The following TSNARE1 variants were observed in gnomAD, a reference collection of about 807,000 sequenced individuals.
TSNARE1 encodes the protein t-SNARE domain containing 1.
In TSNARE1, 49 loss-of-function variants were observed where a neutral mutation model predicts 62.0. The observed-to-expected ratio is 0.79, with a 90% CI of 0.63 to 1.00. The LOEUF is 1.00. Ranked by LOEUF, TSNARE1 falls within the 50% of genes least tolerant of loss-of-function variation. TSNARE1 has a pLI of 0.00. For missense variants in TSNARE1, 755 were observed against 700.1 expected, an observed-to-expected ratio of 1.08 and a Z score of -0.88; for synonymous variants, 328 against 294.4, an observed-to-expected ratio of 1.11 and a Z score of -1.17.
intron 12 of TSNARE1, among the ~76,000 whole-genome samples, chr8:142,262,530 C>T (rs1230386685): frequency 2.6e-5 from 4 of 152,052 alleles, no homozygotes; most frequent in African/African-American, 7.3e-5. Context: ...ATCTCATGTC[C>T]AACTGTAATC....
rs147895819 is a variant in TSNARE1, at chr8:142,278,790, G to A, written c.1364-3927C>T. On this transcript the variant is annotated intron_variant, in intron 11 of 13. Coordinates refer to ENST00000524325, the MANE Select transcript of TSNARE1 (RefSeq NM_145003.5). The stretch of plus-strand genomic sequence containing the variant: ...GAGTCACCGGACAGCACCACGTGTG[G>A]GGCTTCCAAGTGGGCCCAGAGGGAG... 9.0e-4 allele frequency: 882 copies of A among 985,458 alleles called. 8 individuals carry two copies. In the African/African-American group the frequency reaches 0.014, roughly 15 times the overall value. The allele number at this position is 985,458 out of a possible 1,614,324, so 61.0% of individuals were successfully genotyped here. A position where few individuals can be genotyped will look rare whatever the true frequency, so the allele number is the denominator to read the frequency against.
intron 2 of TSNARE1, among the ~76,000 whole-genome samples, chr8:142,348,882 G>A (rs973239477): frequency 3.3e-5 from 5 of 152,136 alleles, no homozygotes; most frequent in South Asian, 2.1e-4. Flanking sequence ...TCCAGAGAAC[G>A]TTATAGTGAC....
At chr8:142,345,302 G>A (rs1219675494) in intron 3 of TSNARE1, among the ~76,000 whole-genome samples, 2 of 152,202 alleles carry the variant, frequency 1.3e-5, no homozygotes, top group Non-Finnish European at 2.9e-5. Context: ...GTCCCAGAAG[G>A]ACCTGGAAGG....
intron 12 of TSNARE1, chr8:142,270,177 T>G: frequency 1.0e-6 from 1 of 985,418 alleles, no homozygotes; most frequent in Middle Eastern, 5.2e-4. Context: ...GGCTGCAGAC[T>G]GTGCCCTGCC....
intron 3 of TSNARE1, 108 bp from the exon 4 acceptor site, chr8:142,344,580 C>A: frequency 3.4e-6 from 4 of 1,193,394 alleles, no homozygotes; most frequent in South Asian, 1.7e-5. Context: ...CTTCAGGACA[C>A]GGCTGCCTGG....
At chr8:142,324,754 C>T (rs1053650292) in intron 6 of TSNARE1, among the ~76,000 whole-genome samples, 5 of 152,112 alleles carry the variant, frequency 3.3e-5, no homozygotes, top group African/African-American at 4.8e-5. Flanking sequence ...CACCGGGTCC[C>T]GAGCTCTCCC....
intron 4 of TSNARE1, 125 bp downstream of exon 4, chr8:142,343,841 G>T: frequency 2.6e-6 from 2 of 778,366 alleles, no homozygotes; most frequent in Non-Finnish European, 3.7e-6. Flanking sequence ...GAGGGGAAGG[G>T]GAGGAAGAGG....
chr8:142,348,820 T>G (rs1833723057), intron 2 of TSNARE1, among the ~76,000 whole-genome samples: 1 of 152,066 alleles, frequency 6.6e-6, no homozygotes, highest in African/African-American at 2.4e-5. Flanking sequence ...CTTCTGTGTA[T>G]CTGAGTTATT....
At chr8:142,284,980 C>T (rs1010012196) in intron 10 of TSNARE1, among the ~76,000 whole-genome samples, 4 of 152,228 alleles carry the variant, frequency 2.6e-5, no homozygotes, top group Non-Finnish European at 5.9e-5. Flanking sequence ...TGTAACAGCA[C>T]TGAGCATGGG....
intron 12 of TSNARE1, among the ~76,000 whole-genome samples, chr8:142,255,566 C>CCAT (rs566153051): frequency 0.13 from 1,238 of 9,586 alleles, 3 homozygotes; most frequent in South Asian, 0.22. Context: ...ACCATCACCA[C>CCAT]CATCACCATC....
intron 12 of TSNARE1, among the ~76,000 whole-genome samples, chr8:142,255,063 G>C (rs755743477): frequency 6.6e-6 from 1 of 152,060 alleles, no homozygotes; most frequent in South Asian, 2.1e-4. Flanking sequence ...TCCCATAACA[G>C]AGAACAGCAG....
At chr8:142,215,942 C>CT (rs1416564260) in intron 13 of TSNARE1, among the ~76,000 whole-genome samples, 1 of 152,148 alleles carries the variant, frequency 6.6e-6, no homozygotes. Flanking sequence ...TGAGGCCTGG[C>CT]TGGGGATACA....
chr8:142,269,745 T>A (rs959851372), intron 12 of TSNARE1: 1 of 984,510 alleles, frequency 1.0e-6, no homozygotes, highest in Non-Finnish European at 1.2e-6. Context: ...TTTCCCAGGG[T>A]GGAACCATCA....
chr8:142,406,223 C>T (rs1292970945), upstream of TSNARE1: 1 of 152,314 alleles, frequency 6.6e-6, no homozygotes, highest in Non-Finnish European at 1.5e-5. Context: ...CCGTCAGACT[C>T]ATCACCATGG....
chr8:142,266,221 T>TA (rs1819127147), intron 12 of TSNARE1, among the ~76,000 whole-genome samples: 1 of 152,380 alleles, frequency 6.6e-6, no homozygotes. Flanking sequence ...CCATCCTTTG[T>TA]AAAAAATCTA....
At chr8:142,286,184 T>C (rs1443632557) in intron 10 of TSNARE1, among the ~76,000 whole-genome samples, 1 of 151,890 alleles carries the variant, frequency 6.6e-6, no homozygotes, top group Non-Finnish European at 1.5e-5. Context: ...AAAGCAACCC[T>C]CCTCACATAG....
chr8:142,391,630 A>AGTGGT (rs1837537407), intron 1 of TSNARE1, among the ~76,000 whole-genome samples: 1 of 152,172 alleles, frequency 6.6e-6, no homozygotes, highest in African/African-American at 2.4e-5. Flanking sequence ...CCCCTCATCC[A>AGTGGT]GACGCGGGTG....
rs549484428 is a variant in TSNARE1 at position 142,253,782 on chromosome 8, C to T, written c.1446+20999G>A. Among the ~76,000 whole-genome samples, 220 of 152,380 alleles carry T rather than the reference C, an allele frequency of 1.4e-3. 1 individual carries two copies. The highest frequency in any genetic ancestry group is 6.8e-3 in the Middle Eastern group (2 of 294). ...ACCCTGCGGCTGGTCAGTGGGAACGCGTAGCCAGCCTTTTCCCAGGGGCCC... is the reference window on the plus strand; with the variant it reads ...ACCCTGCGGCTGGTCAGTGGGAACGTGTAGCCAGCCTTTTCCCAGGGGCCC... On this transcript the variant is annotated intron_variant, in intron 12 of 13. Coordinates refer to ENST00000524325, the MANE Select transcript of TSNARE1 (RefSeq NM_145003.5).
intron 1 of TSNARE1, among the ~76,000 whole-genome samples, chr8:142,362,113 C>T (rs1227819301): frequency 2.6e-5 from 4 of 152,240 alleles, no homozygotes; most frequent in Non-Finnish European, 4.4e-5. Flanking sequence ...CTGCCGGGTG[C>T]GCAGCTTTCA....
Sources: allele counts gnomAD v4.1 joint callset (sites outside exome capture counted in the v4.1 genomes callset), GRCh38; gene constraint gnomAD v4.1.1; transcripts MANE v1.5; gene names NCBI Gene and HGNC (gene_info 2026-07-23, HGNC 2026-07-21).